Variants in ADAMTS13 observed in about 807,000 individuals in gnomAD.
The protein encoded by ADAMTS13 is A disintegrin and metalloproteinase with thrombospondin motifs 13.
ADAMTS13 carries 110 observed loss-of-function variants against 155.1 expected under a neutral mutation model. The ratio of observed to expected loss-of-function variants is 0.71; its 90% CI spans 0.61 to 0.83. ADAMTS13 has a LOEUF of 0.83. ADAMTS13 is among the 40% of genes least tolerant of loss of function. The probability of loss-of-function intolerance (pLI) is 0.00; values close to 1 mark genes in which losing one functional copy is unlikely to be tolerated. For synonymous variants in ADAMTS13, 758 were observed against 756.4 expected (o/e 1.00, Z -0.03); for missense variants, 1,707 against 1,891.7 (o/e 0.90, Z 1.81).
At chr9:133,430,611 A>G (rs1840678714) in intron 8 of ADAMTS13, among the ~76,000 whole-genome samples, 1 of 152,234 alleles carries the variant, frequency 6.6e-6, no homozygotes, top group South Asian at 2.1e-4. Context: ...TCCTCCACAA[A>G]AAAATTGAGA....
In ADAMTS13 at chr9:133,424,885, C is replaced by T. The variant is rs924203564; in HGVS notation, c.330+407C>T. Among the ~76,000 whole-genome samples, 3 of 152,238 alleles carry T rather than the reference C, an allele frequency of 2.0e-5. No individual in the cohort carries two copies. The highest frequency in any genetic ancestry group is 7.2e-5 in the African/African-American group (3 of 41,460). ...CGCTCAGAGTGGCGAGGACAGGTCA[C>T]CCGTCTGAAGTCTAAACAGAGACTG... is the stretch of plus-strand genomic sequence containing the variant. On this transcript the variant is annotated intron_variant, in intron 3 of 28. Transcript: ENST00000355699. This position sits in a 1 kb window ranked among gnomAD's most constrained non-coding sequence, Gnocchi z 4.3.
At chr9:133,435,513 AT>A (rs1312556175) in intron 11 of ADAMTS13, among the ~76,000 whole-genome samples, 7 of 129,104 alleles carry the variant, frequency 5.4e-5, no homozygotes, top group Admixed American at 1.6e-4. Context: ...TTTTTTTCTT[AT>A]TTTTTTCTTT....
chr9:133,438,395 G>A (rs1554789749), intron 14 of ADAMTS13, 29 bp downstream of exon 14: 1 of 1,612,126 alleles, frequency 6.2e-7, no homozygotes, highest in Non-Finnish European at 8.5e-7. Flanking sequence ...GGCAGAGGCT[G>A]GGCTTCCCCC....
At chr9:133,437,256 T>C (rs2130848179) in intron 12 of ADAMTS13, among the ~76,000 whole-genome samples, 1 of 152,258 alleles carries the variant, frequency 6.6e-6, no homozygotes, top group Middle Eastern at 3.4e-3. Context: ...TGTTCCTTGG[T>C]TCATGATACT....
Position 133,445,166 on chromosome 9 carries a change from C to T in ADAMTS13, c.2610+114C>T. On this transcript the variant is annotated intron_variant, in intron 20 of 28. Coordinates refer to ENST00000355699, the MANE Select transcript of ADAMTS13 (RefSeq NM_139027.6). This position sits in a 1 kb window ranked among gnomAD's most constrained non-coding sequence, Gnocchi z 5.0. Reference sequence around the variant, plus strand: ...AGGCCAGAGCAAGAACACCATCCTTCTGTGGGAATGCTGTCTGAGGGCCAC... The same window carrying T: ...AGGCCAGAGCAAGAACACCATCCTTTTGTGGGAATGCTGTCTGAGGGCCAC... 1 of 1,248,492 alleles carries T rather than the reference C, an allele frequency of 8.0e-7. No individual in the cohort carries two copies. Among genetic ancestry groups the T allele is most frequent in the Non-Finnish European group, 1.1e-6 (1 of 892,850 alleles). The allele number at this position is 1,248,492 out of a possible 1,614,324, so 77.3% of individuals were successfully genotyped here. A position where few individuals can be genotyped will look rare whatever the true frequency, so the allele number is the denominator to read the frequency against.
Position 133,455,879 on chromosome 9 carries a change from C to T in ADAMTS13, c.3401-190C>T. On this transcript the variant is annotated intron_variant, in intron 25 of 28. Transcript: ENST00000355699. ...CTCTTGCTGGATCATCTGGTAGCAG[C>T]CCTGTGCCCTGAGGGTGATGCTCTG... is the stretch of plus-strand genomic sequence containing the variant. 6.2e-6 allele frequency: 5 copies of T among 802,492 alleles called. No homozygotes were observed. The Middle Eastern group carries it at 1.1e-3, about 170-fold the overall frequency. 49.7% of individuals were successfully genotyped at this position (802,492 alleles called of 1,614,324 possible).
At position 133,449,958 on chromosome 9, in the gene ADAMTS13, C is replaced by T; in HGVS notation, c.3037C>T (p.Pro1013Ser). 2 of 1,602,006 alleles carry T rather than the reference C, an allele frequency of 1.2e-6. No individual in the cohort carries two copies. Among genetic ancestry groups the T allele is most frequent in the Non-Finnish European group, 1.7e-6 (2 of 1,176,026 alleles). ...GGAGGCCTGCAGCCTGGAGCCCTGC[C>T]CACCTAGGTGAGTCAGCCGGTGATG... ...PQEACSLEPCPPRWKVMSLGP... is the reference protein window; with the variant it reads ...PQEACSLEPCSPRWKVMSLGP... The change falls in exon 23 of 29, where the codon CCA (proline) becomes TCA (serine). Residue 1013 changes from proline to serine, a missense_variant. Transcript: ENST00000355699.
intron 1 of ADAMTS13, among the ~76,000 whole-genome samples, chr9:133,416,101 A>G (rs1839582123): frequency 6.6e-6 from 1 of 152,248 alleles, no homozygotes; most frequent in Non-Finnish European, 1.5e-5. Flanking sequence ...TACAAGAAGC[A>G]TGGTGCCAGC....
rs747772019 is a variant in ADAMTS13, at chr9:133,441,088, C to T, written c.1968+563C>T. Among the ~76,000 whole-genome samples the T allele has an allele frequency of 3.9e-5, 6 of 152,120 alleles. No homozygotes were observed. The highest frequency in any genetic ancestry group is 1.3e-4 in the Admixed American group (2 of 15,280). ...TGGGAACCGGAAGGCCTTGTTCAGG[C>T]GTGTCCTCAGTGACGTGTGCTCGCC... is the stretch of plus-strand genomic sequence containing the variant. On this transcript the variant is annotated intron_variant, in intron 16 of 28. Coordinates refer to ENST00000355699, the MANE Select transcript of ADAMTS13 (RefSeq NM_139027.6). The surrounding 1 kb of genome is among the most constrained non-coding windows in gnomAD (Gnocchi z 5.0).
At chr9:133,434,919 C>T (rs1341140060) in intron 11 of ADAMTS13, among the ~76,000 whole-genome samples, 1 of 152,198 alleles carries the variant, frequency 6.6e-6, no homozygotes, top group Non-Finnish European at 1.5e-5. Context: ...CCCCCAGCGG[C>T]ACGTCCCCAA....
intron 18 of ADAMTS13, 102 bp from the exon 19 acceptor site, chr9:133,443,274 T>C: frequency 6.9e-7 from 1 of 1,438,858 alleles, no homozygotes; most frequent in Non-Finnish European, 9.4e-7. Context: ...TAGTGCCCAT[T>C]GCTTGTCCCA....
chr9:133,458,930 T>C, intron 28 of ADAMTS13, 44 bp from the exon 29 acceptor site: 1 of 1,565,398 alleles, frequency 6.4e-7, no homozygotes, highest in South Asian at 1.1e-5. Context: ...GAGTGCTAAT[T>C]ATTACTTGTG....
At chr9:133,419,617 A>T (rs1214462408), upstream of ADAMTS13, among the ~76,000 whole-genome samples, 1 of 152,186 alleles carries the variant, frequency 6.6e-6, no homozygotes, top group African/African-American at 2.4e-5. Context: ...GTGGCATCAG[A>T]GAATCCAGGG....
At position 133,442,482 on chromosome 9, in the gene ADAMTS13, G is replaced by C. The variant is rs1203166838; in HGVS notation, c.2052G>C (p.Gln684His). ...TFTYFQPKPRQAWVWAAVRGP... is the reference protein window; with the variant it reads ...TFTYFQPKPRHAWVWAAVRGP... ...CCTACTTCCAGCCTAAGCCACGGCA[G>C]GCCTGGGTGTGGGCCGCTGTGCGTG... The change falls in exon 17 of 29, where the codon CAG (glutamine) becomes CAC (histidine). Residue 684 changes from glutamine (Q) to histidine (H), a missense_variant. Gln to His is a conservative substitution (Grantham distance 24). Coordinates refer to ENST00000355699, the MANE Select transcript of ADAMTS13 (RefSeq NM_139027.6). The C allele has an allele frequency of 6.2e-7, 1 of 1,613,656 alleles. No homozygotes were observed. The highest frequency in any genetic ancestry group is 8.5e-7 in the Non-Finnish European group (1 of 1,180,046).
intron 21 of ADAMTS13, among the ~76,000 whole-genome samples, chr9:133,446,638 G>C (rs1192525937): frequency 1.3e-5 from 2 of 152,158 alleles, no homozygotes; most frequent in Non-Finnish European, 2.9e-5. Flanking sequence ...TGTGAACATG[G>C]GTGTGCAAAT....
rs148849381 is a variant in ADAMTS13, at chr9:133,426,205, C to T, written c.546C>T (p.Asp182=). The T allele has an allele frequency of 3.1e-4, 496 of 1,613,914 alleles. 2 individuals carry two copies. In the East Asian group the frequency reaches 0.01, roughly 33 times the overall value. Residue 182 remains aspartate (D), a synonymous_variant, in exon 6 of 29, where the codon GAC becomes GAT. Coordinates refer to ENST00000355699, the MANE Select transcript of ADAMTS13 (RefSeq NM_139027.6). ...ACTGTTTTCTCTCACCGAGGTTTGA[C>T]CTGGAGTTGCCTGATGGTAACCGGC... ...ADLVLYITRF[D]LELPDGNRQV... is the part of the protein sequence containing the mutation.
At chr9:133,417,140 T>C (rs1454081965), upstream of ADAMTS13, among the ~76,000 whole-genome samples, 2 of 152,278 alleles carry the variant, frequency 1.3e-5, no homozygotes, top group Non-Finnish European at 2.9e-5. Context: ...GCTCCCCGAG[T>C]AGCTGCGACT....
chr9:133,442,776 G>C lies in ADAMTS13; in HGVS notation c.2234+33G>C, dbSNP rs782715250. The C allele has an allele frequency of 6.9e-6, 11 of 1,603,260 alleles. No individual in the cohort carries two copies. The Admixed American group carries it at 1.5e-4, about 22-fold the overall frequency. ...TGGTGCTGTCTGCGCAGCTCCAAGGGGGAGAGAGGGTTCCGCTGGGGCTGC... is the reference window on the plus strand; with the variant it reads ...TGGTGCTGTCTGCGCAGCTCCAAGGCGGAGAGAGGGTTCCGCTGGGGCTGC... On this transcript the variant is annotated intron_variant, in intron 18 of 28. Coordinates refer to ENST00000355699, the MANE Select transcript of ADAMTS13 (RefSeq NM_139027.6).
At chr9:133,439,509 C>A in intron 15 of ADAMTS13, 63 bp downstream of exon 15, 1 of 1,416,860 alleles carries the variant, frequency 7.1e-7, no homozygotes, top group Non-Finnish European at 1.0e-6. Context: ...GCACTGTTGC[C>A]AAGATGCCCT....
Sources: allele counts gnomAD v4.1 joint callset (sites outside exome capture counted in the v4.1 genomes callset), GRCh38; gene constraint gnomAD v4.1.1; non-coding constraint Gnocchi (gnomAD v3.1); transcripts MANE v1.5; gene names NCBI Gene and HGNC (gene_info 2026-07-23, HGNC 2026-07-21).